C8orf34: variants seen among roughly 807,000 people sequenced by gnomAD.
The protein encoded by C8orf34 is uncharacterized protein C8orf34.
A neutral mutation model predicts 68.3 loss-of-function variants in C8orf34; 65 were observed. The observed-to-expected ratio is 0.95, with a 90% CI of 0.78 to 1.17. The LOEUF is 1.17. Ranked by LOEUF, C8orf34 falls within the 50% of genes most tolerant of loss-of-function variation. The pLI is 0.00. For missense variants in C8orf34, 664 were observed against 655.4 expected (o/e 1.01, Z -0.14); for synonymous variants, 244 against 241.2 (o/e 1.01, Z -0.11).
chr8:68,489,910 A>G (rs532723336), intron 5 of C8orf34, among the ~76,000 whole-genome samples: 1 of 152,208 alleles, frequency 6.6e-6, no homozygotes. Flanking sequence ...TATATTCTTA[A>G]ATATCTATTT....
chr8:68,491,798 T>C (rs1813324761), intron 5 of C8orf34, among the ~76,000 whole-genome samples: 1 of 152,252 alleles, frequency 6.6e-6, no homozygotes, highest in Non-Finnish European at 1.5e-5. Context: ...CATGAACATC[T>C]CTGGGAAGTC....
At chr8:68,659,300 TG>T (rs1291015579) in intron 8 of C8orf34, among the ~76,000 whole-genome samples, 1 of 152,200 alleles carries the variant, frequency 6.6e-6, no homozygotes, top group Non-Finnish European at 1.5e-5. Flanking sequence ...CACTTAATTT[TG>T]GCTCATCTCA....
intron 7 of C8orf34, among the ~76,000 whole-genome samples, chr8:68,541,425 C>G (rs886281285): frequency 2.0e-5 from 3 of 151,292 alleles, no homozygotes; most frequent in Non-Finnish European, 4.4e-5. Context: ...ATGATGGCAC[C>G]GCTGCACTCC....
chr8:68,671,690 T>C (rs1203041869), intron 8 of C8orf34, among the ~76,000 whole-genome samples: 2 of 152,234 alleles, frequency 1.3e-5, no homozygotes, highest in Non-Finnish European at 2.9e-5. Flanking sequence ...AATTTTGCTT[T>C]TATTTAATTT....
intron 8 of C8orf34, among the ~76,000 whole-genome samples, chr8:68,680,163 A>G (rs1820325160): frequency 2.0e-5 from 3 of 152,188 alleles, no homozygotes; most frequent in Non-Finnish European, 4.4e-5. Flanking sequence ...GCCATATTTG[A>G]AAACTATCCA....
intron 5 of C8orf34, among the ~76,000 whole-genome samples, chr8:68,496,238 T>C (rs1262168011): frequency 6.6e-6 from 1 of 152,194 alleles, no homozygotes; most frequent in Non-Finnish European, 1.5e-5. Context: ...TCATGAAGAC[T>C]GTATTTATCA....
In C8orf34 at chr8:68,771,893, T is replaced by A. The variant is rs191217324; in HGVS notation, c.1405-4506T>A. ...ATTCTAATCACTTGTATATGTTTTT[T>A]CAAGGTAAACTTTTTTATAGTAGTA... On this transcript the variant is annotated intron_variant, in intron 10 of 13. Coordinates refer to ENST00000518698, the MANE Select transcript of C8orf34 (RefSeq NM_052958.4). Among the ~76,000 whole-genome samples the A allele has an allele frequency of 3.9e-5, 6 of 152,358 alleles. No homozygotes were observed. In the East Asian group the frequency reaches 1.2e-3, roughly 29 times the overall value.
chr8:68,548,057 A>G (rs535384368), intron 7 of C8orf34, among the ~76,000 whole-genome samples: 1 of 151,924 alleles, frequency 6.6e-6, no homozygotes, highest in Non-Finnish European at 1.5e-5. Context: ...GAGATGAATT[A>G]TAGCCCAAAC....
At chr8:68,567,852 C>T (rs1816642923) in intron 7 of C8orf34, among the ~76,000 whole-genome samples, 1 of 151,666 alleles carries the variant, frequency 6.6e-6, no homozygotes, top group Non-Finnish European at 1.5e-5. Flanking sequence ...GGTGAAGAGG[C>T]CTAGTTTTCA....
At chr8:68,629,697 C>G (rs1377733796) in intron 7 of C8orf34, among the ~76,000 whole-genome samples, 1 of 151,894 alleles carries the variant, frequency 6.6e-6, no homozygotes, top group Non-Finnish European at 1.5e-5. Flanking sequence ...TGAGAAAGAT[C>G]AAGTTTCTAT....
intron 5 of C8orf34, 22 bp from the exon 6 acceptor site, chr8:68,521,777 C>A (rs562288509): frequency 6.2e-7 from 1 of 1,601,520 alleles, no homozygotes. Flanking sequence ...TCTAAGACAG[C>A]ATATTCTTTT....
chr8:68,484,146 GAAAGCA>G lies in C8orf34; in HGVS notation c.737-3869_737-3864del, dbSNP rs752877218. On this transcript the variant is annotated intron_variant, in intron 4 of 13. Coordinates refer to ENST00000518698, the MANE Select transcript of C8orf34 (RefSeq NM_052958.4). ...AAGCAGGAACTAGCAGTCAAATGGC[GAAAGCA>G]AAAGCAAGAGCAAGGTTGGGGAAGG... Among the ~76,000 whole-genome samples the G allele has an allele frequency of 2.0e-4, 30 of 152,308 alleles. 1 individual carries two copies. In the Middle Eastern group the frequency reaches 0.01, roughly 52 times the overall value.
chr8:68,453,894 T>C (rs1255977411), intron 3 of C8orf34, among the ~76,000 whole-genome samples: 1 of 152,004 alleles, frequency 6.6e-6, no homozygotes, highest in East Asian at 1.9e-4. Flanking sequence ...TCATGGGGTG[T>C]GGTGTTAGCT....
At chr8:68,650,991 T>A (rs1470659349) in intron 8 of C8orf34, among the ~76,000 whole-genome samples, 3 of 152,212 alleles carry the variant, frequency 2.0e-5, no homozygotes, top group Non-Finnish European at 2.9e-5. Context: ...TACAGGCTGC[T>A]CTTTGTTAGA....
chr8:68,379,257 G>T (rs895581022), intron 1 of C8orf34, among the ~76,000 whole-genome samples: 3 of 152,200 alleles, frequency 2.0e-5, no homozygotes, highest in South Asian at 2.1e-4. Context: ...GAGAGTCGAA[G>T]ATTTTTGCAC....
chr8:68,727,187 A>T (rs1821855448), intron 10 of C8orf34, among the ~76,000 whole-genome samples: 1 of 152,204 alleles, frequency 6.6e-6, no homozygotes, highest in Admixed American at 6.5e-5. Flanking sequence ...AATGAGAGAA[A>T]TTGGTCAAAA....
At chr8:68,708,550 T>G (rs896317164) in intron 8 of C8orf34, among the ~76,000 whole-genome samples, 8 of 152,184 alleles carry the variant, frequency 5.3e-5, no homozygotes, top group African/African-American at 1.9e-4. Context: ...CCACAGGCCT[T>G]GAAGCTTAGG....
chr8:68,712,408 A>G (rs1163025768), intron 9 of C8orf34, among the ~76,000 whole-genome samples: 2 of 152,180 alleles, frequency 1.3e-5, no homozygotes, highest in African/African-American at 4.8e-5. Context: ...AAAATGGATA[A>G]GAATTCACCA....
intron 7 of C8orf34, among the ~76,000 whole-genome samples, chr8:68,621,776 A>G (rs1001813130): frequency 4.6e-5 from 7 of 152,218 alleles, no homozygotes; most frequent in Non-Finnish European, 7.3e-5. Context: ...TAATTCTTCA[A>G]GACTTCACTA....
Sources: gnomAD v4.1 joint callset for allele counts (sites outside exome capture counted in the v4.1 genomes callset) on GRCh38, gnomAD v4.1.1 for gene constraint, MANE v1.5 for transcripts, NCBI Gene and HGNC (gene_info 2026-07-23, HGNC 2026-07-21) for gene names.